TAF11L12: variants seen among roughly 807,000 people sequenced by gnomAD.
The protein encoded by TAF11L12 is TATA-box-binding protein-associated factor 11-like protein 12.
exon 1 of TAF11L12, chr5:17,611,418 A>C: frequency 5.0e-6 from 2 of 398,004 alleles, no homozygotes; most frequent in Non-Finnish European, 8.9e-6. Context: ...CCATGGCTGG[A>C]ATAGCTAAGG....
exon 1 of TAF11L12, chr5:17,611,449 G>A: frequency 2.5e-6 from 1 of 398,110 alleles, no homozygotes; most frequent in Non-Finnish European, 4.4e-6. Context: ...AGAGGTGGTG[G>A]AAGAGGCCCT....
rs1168059627 is a variant in TAF11L12 at position 17,610,909 on chromosome 5, T to C, written c.-81T>C. The C allele has an allele frequency of 2.5e-6, 1 of 396,876 alleles. No individual in the cohort carries two copies. The highest frequency in any genetic ancestry group is 4.4e-6 in the Non-Finnish European group (1 of 225,148). 24.6% of individuals were successfully genotyped at this position (396,876 alleles called of 1,614,324 possible). Reference sequence around the variant, plus strand: ...AGCTCAACTCTTTGAAAGGTTCTCATTGCAGATCCATAATCGAACCACCCC... The same window carrying C: ...AGCTCAACTCTTTGAAAGGTTCTCACTGCAGATCCATAATCGAACCACCCC... On this transcript the variant is annotated 5_prime_UTR_variant, in exon 1 of 1. Transcript: ENST00000503184.
rs1045927514 is a variant in TAF11L12, at chr5:17,610,626, G to T, written c.-364G>T. On this transcript the variant is annotated 5_prime_UTR_variant, in exon 1 of 1. Transcript: ENST00000503184. ...ATGACCACACAGCCAGACCCATCCT[G>T]GAGGTCCGTCATGTGACTCTGAGCA... The T allele has an allele frequency of 5.2e-4, 107 of 204,804 alleles. 4 individuals carry two copies. Among genetic ancestry groups the T allele is most frequent in the African/African-American group, 2.4e-3 (103 of 43,336 alleles). 12.7% of individuals were successfully genotyped at this position (204,804 alleles called of 1,614,324 possible).
At chr5:17,610,638 T>A (rs1739258021) in exon 1 of TAF11L12, 1 of 214,430 alleles carries the variant, frequency 4.7e-6, no homozygotes, top group Non-Finnish European at 9.1e-6. Context: ...AGGTCCGTCA[T>A]GTGACTCTGA....
exon 1 of TAF11L12, chr5:17,611,027 T>A (rs1579618793): frequency 2.5e-6 from 1 of 397,964 alleles, no homozygotes; most frequent in Non-Finnish European, 4.4e-6. Context: ...TCTGCTGAGA[T>A]GTTCGCCATG....
At chr5:17,611,077 G>A (rs543288967) in exon 1 of TAF11L12, 1 of 397,974 alleles carries the variant, frequency 2.5e-6, no homozygotes, top group African/African-American at 2.1e-5. Context: ...TGGAATCCCT[G>A]AGGACCTAGA....
At chr5:17,611,480 G>A in exon 1 of TAF11L12, 2 of 397,952 alleles carry the variant, frequency 5.0e-6, no homozygotes, top group Non-Finnish European at 8.9e-6. Context: ...GAGATGTGGG[G>A]AGAAACGCCC....
exon 1 of TAF11L12, chr5:17,610,940 GAAC>G (rs1739263456): frequency 2.5e-6 from 1 of 397,526 alleles, no homozygotes; most frequent in Admixed American, 4.4e-5. Context: ...ACCCCAGCCA[GAAC>G]TTCTGCCTGT....
Position 17,611,016 on chromosome 5 carries a change from G to A in TAF11L12, c.27G>A (p.Ala9=), listed in dbSNP as rs374660585. The change falls in exon 1 of 1, where the codon GCG becomes GCA. Residue 9 remains alanine (A), a synonymous_variant. Transcript: ENST00000503184. ...TGGAGACAGGCAGGCAAAGAGGTGC[G>A]TCTGCTGAGATGTTCGCCATGCCCC... 6.5e-5 allele frequency: 26 copies of A among 397,746 alleles called. 1 individual carries two copies. Among genetic ancestry groups the A allele is most frequent in the Admixed American group, 5.3e-4 (12 of 22,620 alleles). 24.6% of individuals were successfully genotyped at this position (397,746 alleles called of 1,614,324 possible).
exon 1 of TAF11L12, chr5:17,611,267 T>A (rs763982551): frequency 1.5e-5 from 6 of 397,844 alleles, no homozygotes; most frequent in Non-Finnish European, 2.2e-5. Context: ...GAGGCTCAGA[T>A]GACAACCCTG....
At chr5:17,611,463 C>T (rs1487405161) in exon 1 of TAF11L12, 12 of 397,866 alleles carry the variant, frequency 3.0e-5, no homozygotes, top group African/African-American at 6.2e-5. Flanking sequence ...AGGCCCTGGA[C>T]GTGTGCGAGA....
exon 1 of TAF11L12, chr5:17,611,391 T>G (rs1561010369): frequency 3.0e-5 from 12 of 397,818 alleles, no homozygotes; most frequent in Non-Finnish European, 4.4e-5. Context: ...GATCGGTGTC[T>G]GAGAACACCG....
the TAF11L12 span, chr5:17,611,096 T>A: frequency 1.3e-5 from 5 of 397,724 alleles, 1 homozygote; most frequent in African/African-American, 1.0e-4. Flanking sequence ...GATGGGAACT[T>A]GGAAGAACCC....
chr5:17,610,891 C>T (rs750424975), exon 1 of TAF11L12: 1 of 394,624 alleles, frequency 2.5e-6, no homozygotes, highest in South Asian at 1.3e-4. Flanking sequence ...AGCAGCTCAA[C>T]TCTTTGAAAG....
exon 1 of TAF11L12, chr5:17,611,524 C>A (rs915056206): frequency 5.0e-6 from 2 of 397,826 alleles, no homozygotes; most frequent in South Asian, 1.3e-4. Flanking sequence ...GGAGGCCGTT[C>A]GCAGGTTAAA....
Position 17,611,061 on chromosome 5 carries a change from C to G in TAF11L12, c.72C>G (p.Asn24Lys), listed in dbSNP as rs991225015. The G allele has an allele frequency of 4.3e-5, 17 of 397,918 alleles. 1 individual carries two copies. In the Middle Eastern group the frequency reaches 2.5e-3, roughly 59 times the overall value. 24.6% of individuals were successfully genotyped at this position (397,918 alleles called of 1,614,324 possible). Reference sequence around the variant, plus strand: ...TGCCCCAAGGTCTGAAGGGCAGCAACAAGGATGGAATCCCTGAGGACCTAG... The same window carrying G: ...TGCCCCAAGGTCTGAAGGGCAGCAAGAAGGATGGAATCCCTGAGGACCTAG... Residue 24 changes from asparagine to lysine, a missense_variant, in exon 1 of 1, where the codon AAC (asparagine) becomes AAG (lysine). Transcript: ENST00000503184.
Sources: allele counts gnomAD v4.1 joint callset, GRCh38; gene constraint gnomAD v4.1.1; transcripts MANE v1.5; gene names NCBI Gene and HGNC (gene_info 2026-07-23, HGNC 2026-07-21).